The following TBCA variants were observed in gnomAD, a reference collection of about 807,000 sequenced individuals.
The protein encoded by TBCA is tubulin-specific chaperone A.
In TBCA, 6 loss-of-function variants were observed where a neutral mutation model predicts 15.8. The ratio of observed to expected loss-of-function variants is 0.38; its 90% confidence interval spans 0.21 to 0.75. The LOEUF is 0.75. TBCA is among the 30% of genes least tolerant of loss of function. The pLI, the probability that TBCA is intolerant of heterozygous loss-of-function variation, is 0.46. For synonymous variants in TBCA, 32 were observed against 42.3 expected (o/e 0.76, Z 0.94); for missense variants, 90 against 131.2 (o/e 0.69, Z 1.53).
At chr5:77,699,363 A>G (rs1745952483) in intron 2 of TBCA, among the ~76,000 whole-genome samples, 1 of 152,210 alleles carries the variant, frequency 6.6e-6, no homozygotes, top group Non-Finnish European at 1.5e-5. Context: ...GATTTACTAC[A>G]TCAGTACAGA....
At chr5:77,761,236 C>A (rs1747627836) in intron 1 of TBCA, among the ~76,000 whole-genome samples, 3 of 151,668 alleles carry the variant, frequency 2.0e-5, no homozygotes. Context: ...CAGATTGTTA[C>A]CGTGTCTGTG....
intron 1 of TBCA, among the ~76,000 whole-genome samples, chr5:77,724,499 C>T (rs1403374181): frequency 6.6e-6 from 1 of 152,000 alleles, no homozygotes. Context: ...AACAACATGT[C>T]AGAGGACAAT....
At chr5:77,714,653 G>A (rs1283084955) in intron 1 of TBCA, among the ~76,000 whole-genome samples, 2 of 150,978 alleles carry the variant, frequency 1.3e-5, no homozygotes, top group Non-Finnish European at 2.9e-5. Flanking sequence ...TGCAAGCTCC[G>A]CCTCCCAGGT....
In TBCA at chr5:77,693,313, A is replaced by C. The variant is rs754176589; in HGVS notation, c.199T>G (p.Cys67Gly). ...TATGCGGCTTCCAACCTGCGCTGGC[A>C]ATCTGGGATCATCATCCTGGATTCT... ...LQESRMMIPD[C>G]QRRLEAAYLD... The change falls in exon 3 of 4, where the codon TGC (cysteine) becomes GGC (glycine). Residue 67 changes from cysteine (C) to glycine (G), a missense_variant. Coordinates refer to ENST00000380377, the MANE Select transcript of TBCA (RefSeq NM_004607.3). 1 of 1,613,720 alleles carries C rather than the reference A, an allele frequency of 6.2e-7. No homozygotes were observed. The highest frequency in any genetic ancestry group is 8.5e-7 in the Non-Finnish European group (1 of 1,179,898).
At chr5:77,696,513 G>A (rs1745873947) in intron 2 of TBCA, among the ~76,000 whole-genome samples, 1 of 152,038 alleles carries the variant, frequency 6.6e-6, no homozygotes, top group Admixed American at 6.6e-5. Flanking sequence ...CTAGTTAAGA[G>A]GCAGAGATTC....
intron 1 of TBCA, among the ~76,000 whole-genome samples, chr5:77,752,203 G>A (rs921384345): frequency 6.6e-6 from 1 of 152,138 alleles, no homozygotes; most frequent in Non-Finnish European, 1.5e-5. Context: ...ACCAGCCTAC[G>A]AAATGGAACA....
intron 2 of TBCA, among the ~76,000 whole-genome samples, chr5:77,700,331 T>C (rs574376981): frequency 3.5e-4 from 53 of 152,144 alleles, no homozygotes; most frequent in African/African-American, 1.2e-3. Context: ...GTCTAGTATA[T>C]ACAATGAACT....
Position 77,691,334 on chromosome 5 carries a change from G to A in TBCA, c.*84C>T, listed in dbSNP as rs534483784. 8.7e-7 allele frequency: 1 copy of A among 1,151,514 alleles called. No individual in the cohort carries two copies. Among genetic ancestry groups the A allele is most frequent in the African/African-American group, 1.6e-5 (1 of 63,460 alleles). The allele number at this position is 1,151,514 out of a possible 1,614,324, so 71.3% of individuals were successfully genotyped here. ...AAACAATCACATTCTCATACTACTT[G>A]AACACATAGCAGTGGTCAAAAATAA... On this transcript the variant is annotated 3_prime_UTR_variant, in exon 4 of 4. Transcript: ENST00000380377.
chr5:77,718,667 G>C (rs998775651), intron 1 of TBCA, among the ~76,000 whole-genome samples: 1 of 152,162 alleles, frequency 6.6e-6, no homozygotes, highest in Non-Finnish European at 1.5e-5. Flanking sequence ...TCCCAAACTT[G>C]AGAATTATAG....
At chr5:77,763,203 C>T (rs1747686934) in intron 1 of TBCA, among the ~76,000 whole-genome samples, 1 of 151,968 alleles carries the variant, frequency 6.6e-6, no homozygotes, top group African/African-American at 2.4e-5. Context: ...GAGATTGCGC[C>T]ACTGCACTCC....
chr5:77,747,658 A>T (rs185068109), intron 1 of TBCA, among the ~76,000 whole-genome samples: 24 of 152,228 alleles, frequency 1.6e-4, no homozygotes, highest in Admixed American at 3.9e-4. Context: ...CAGTTTAAGT[A>T]CCTATTAGTT....
chr5:77,736,179 A>G (rs1387801381), intron 1 of TBCA, among the ~76,000 whole-genome samples: 3 of 152,080 alleles, frequency 2.0e-5, no homozygotes, highest in Non-Finnish European at 4.4e-5. Flanking sequence ...ATAAAAATAT[A>G]AAAAACATTA....
At chr5:77,743,832 A>T (rs1037248527) in intron 1 of TBCA, among the ~76,000 whole-genome samples, 1 of 152,104 alleles carries the variant, frequency 6.6e-6, no homozygotes, top group Non-Finnish European at 1.5e-5. Flanking sequence ...CCCATTTCAC[A>T]AAGTTGTGCC....
chr5:77,715,152 T>C (rs1746369263), intron 1 of TBCA: 1 of 668,994 alleles, frequency 1.5e-6, no homozygotes, highest in South Asian at 1.6e-5. Context: ...AAATAACTGA[T>C]GAAAGAAGTT....
intron 1 of TBCA, among the ~76,000 whole-genome samples, chr5:77,741,210 C>T (rs546333787): frequency 1.3e-5 from 2 of 152,152 alleles, no homozygotes; most frequent in African/African-American, 4.8e-5. Context: ...ATTCCTTTGC[C>T]AAGTGTGGTT....
At chr5:77,750,164 A>AATAT (rs897296604) in intron 1 of TBCA, among the ~76,000 whole-genome samples, 1 of 150,174 alleles carries the variant, frequency 6.7e-6, no homozygotes, top group Non-Finnish European at 1.5e-5. Flanking sequence ...AGAGAGCACA[A>AATAT]ATATATATAT....
At chr5:77,764,849 A>T (rs903776610) in intron 1 of TBCA, among the ~76,000 whole-genome samples, 3 of 152,128 alleles carry the variant, frequency 2.0e-5, no homozygotes, top group Non-Finnish European at 4.4e-5. Context: ...TAAATTCTCC[A>T]TCCCAAACAA....
chr5:77,693,414 A>T (rs1745800719), intron 2 of TBCA, 62 bp from the exon 3 acceptor site: 1 of 1,552,268 alleles, frequency 6.4e-7, no homozygotes, highest in South Asian at 1.2e-5. Context: ...TTTAGCTCAT[A>T]TCTTGGTAAG....
chr5:77,695,421 T>C (rs371080369), intron 2 of TBCA, among the ~76,000 whole-genome samples: 151 of 152,240 alleles, frequency 9.9e-4, no homozygotes, highest in African/African-American at 3.4e-3. Context: ...TCCGTAAGTC[T>C]AGGTGTATTA....
Sources: allele counts gnomAD v4.1 joint callset (sites outside exome capture counted in the v4.1 genomes callset), GRCh38; gene constraint gnomAD v4.1.1; transcripts MANE v1.5; gene names NCBI Gene and HGNC (gene_info 2026-07-23, HGNC 2026-07-21).